MTIF3: variants seen among roughly 807,000 people sequenced by gnomAD.
MTIF3 encodes mitochondrial translational initiation factor 3.
MTIF3 carries 13 observed loss-of-function variants against 20.7 expected under a neutral mutation model. That is an observed-to-expected ratio of 0.63 (90% confidence interval 0.41 to 1.00). The LOEUF (loss-of-function observed/expected upper bound fraction) is 1.00. Among genes scored for constraint, MTIF3 ranks in the 50% least tolerant of loss-of-function variants. The pLI is 0.00. For synonymous variants in MTIF3, 114 were observed against 112.5 expected (o/e 1.01, Z -0.08); for missense variants, 295 against 324.5 (o/e 0.91, Z 0.70).
At chr13:27,442,543 A>T (rs977041167) in intron 2 of MTIF3, among the ~76,000 whole-genome samples, 12 of 152,152 alleles carry the variant, frequency 7.9e-5, no homozygotes, top group African/African-American at 1.9e-4. Flanking sequence ...AGTAAAAGCT[A>T]AGCTCTCTAC....
chr13:27,449,734 G>A (rs1412187537), intron 1 of MTIF3: 1 of 152,174 alleles, frequency 6.6e-6, no homozygotes, highest in African/African-American at 2.4e-5. Flanking sequence ...TACGAAGCAG[G>A]AACAAAATGG....
intron 1 of MTIF3, 26 bp downstream of exon 1, chr13:27,450,483 T>A (rs1023225045): frequency 4.6e-5 from 7 of 152,470 alleles, no homozygotes; most frequent in Admixed American, 1.3e-4. Flanking sequence ...CGCGCACCGC[T>A]CCGCACGCCT....
Position 27,441,424 on chromosome 13 carries a change from A to T in MTIF3, c.-1-975T>A, listed in dbSNP as rs775624102. 1.7e-4 allele frequency among the ~76,000 whole-genome samples: 26 copies of T among 152,228 alleles called. 1 individual carries two copies. In the East Asian group the frequency reaches 1.7e-3, roughly 10 times the overall value. On this transcript the variant is annotated intron_variant, in intron 2 of 4. Transcript: ENST00000381120. ...AGGAAGGAAGCCAGCCCACTGCAAG[A>T]ATAACTGAGCCTGTCAGAAAACACT...
At chr13:27,441,684 G>C (rs1376116608) in intron 2 of MTIF3, among the ~76,000 whole-genome samples, 1 of 152,204 alleles carries the variant, frequency 6.6e-6, no homozygotes, top group Non-Finnish European at 1.5e-5. Flanking sequence ...AAAGAGTGCT[G>C]AGAGGACCCA....
At position 27,436,984 on chromosome 13, in the gene MTIF3, C is replaced by G. The variant is rs530739126; in HGVS notation, c.618+132G>C. The G allele has an allele frequency of 2.1e-4, 171 of 810,622 alleles. No homozygotes were observed. In the South Asian group the frequency reaches 3.0e-3, roughly 14 times the overall value. 50.2% of individuals were successfully genotyped at this position (810,622 alleles called of 1,614,324 possible). On this transcript the variant is annotated intron_variant, in intron 4 of 4. Coordinates refer to ENST00000381120, the MANE Select transcript of MTIF3 (RefSeq NM_152912.5). ...GCCAGGTTGGTCTCAATCTCCTGAT[C>G]TCGTGATCCGCCCACCTTGGCCTCC...
At chr13:27,442,396 C>T (rs1023712142) in intron 2 of MTIF3, among the ~76,000 whole-genome samples, 5 of 151,938 alleles carry the variant, frequency 3.3e-5, no homozygotes, top group Middle Eastern at 3.2e-3. Flanking sequence ...AACAGCTTCC[C>T]GACTGCTCTT....
Position 27,440,054 on chromosome 13 carries a change from GT to G in MTIF3, c.394del (p.Thr132GlnfsTer12). On this transcript the variant is annotated frameshift_variant, in exon 3 of 5. Coordinates refer to ENST00000381120, the MANE Select transcript of MTIF3 (RefSeq NM_152912.5). LOFTEE classifies it high-confidence loss of function. ...STEPAEYQLM[T>X]GLQILQERQR... is the part of the protein sequence containing the mutation. ...CCGCTCCTGGAGGATCTGCAATCCT[GT>G]CATGAGCTGATACTCTGCAGGTTCT... 6.2e-7 allele frequency: 1 copy of G among 1,614,196 alleles called. No homozygotes were observed. Among genetic ancestry groups the G allele is most frequent in the Non-Finnish European group, 8.5e-7 (1 of 1,180,020 alleles).
chr13:27,443,132 A>G (rs928238972), intron 2 of MTIF3, among the ~76,000 whole-genome samples: 1 of 152,232 alleles, frequency 6.6e-6, no homozygotes, highest in Non-Finnish European at 1.5e-5. Flanking sequence ...GATGCCCGTC[A>G]GTAATGGTGA....
rs1480039282 is a variant in MTIF3, at chr13:27,440,032, C to CAGA, written c.416_417insTCT (p.Glu139delinsAspLeu). On this transcript the variant is annotated protein_altering_variant, in exon 3 of 5. Coordinates refer to ENST00000381120, the MANE Select transcript of MTIF3 (RefSeq NM_152912.5). Reference sequence around the variant, plus strand: ...TCTCCATCTCCCTCAGCCTCTGCCGCTCCTGGAGGATCTGCAATCCTGTCA... The same window carrying CAGA: ...TCTCCATCTCCCTCAGCCTCTGCCGCAGATCCTGGAGGATCTGCAATCCTGTCA... 1 of 1,614,208 alleles carries CAGA rather than the reference C, an allele frequency of 6.2e-7. No individual in the cohort carries two copies. Among genetic ancestry groups the CAGA allele is most frequent in the South Asian group, 1.1e-5 (1 of 91,082 alleles).
In MTIF3 at chr13:27,448,489, C is replaced by CA. The variant is rs140183984; in HGVS notation, c.-71+2019_-71+2020insT. Among the ~76,000 whole-genome samples the CA allele has an allele frequency of 3.2e-3, 495 of 152,320 alleles. 1 individual carries two copies. Among genetic ancestry groups the CA allele is most frequent in the Non-Finnish European group, 5.6e-3 (379 of 68,028 alleles). On this transcript the variant is annotated intron_variant, in intron 1 of 4. Transcript: ENST00000381120. ...CAGTGCAGCCTTAATCCCAGAGGGC[C>CA]TGCGCTACCGTTACTGGGCCTTCAT...
intron 2 of MTIF3, among the ~76,000 whole-genome samples, chr13:27,443,690 C>A (rs1954077359): frequency 6.6e-6 from 1 of 151,832 alleles, no homozygotes; most frequent in African/African-American, 2.4e-5. Flanking sequence ...AGCTAAAGTG[C>A]CTTGTTTAAT....
intron 3 of MTIF3, among the ~76,000 whole-genome samples, chr13:27,438,867 T>G (rs1953891162): frequency 6.6e-6 from 1 of 151,968 alleles, no homozygotes; most frequent in African/African-American, 2.4e-5. Context: ...AATATTGTTT[T>G]CCAGTCAACA....
At chr13:27,436,999 C>A (rs1953795039) in intron 4 of MTIF3, 117 bp downstream of exon 4, 4 of 1,015,950 alleles carry the variant, frequency 3.9e-6, no homozygotes, top group Non-Finnish European at 5.8e-6. Flanking sequence ...GATCCGCCCA[C>A]CTTGGCCTCC....
chr13:27,438,155 T>C (rs1476476995), intron 3 of MTIF3, among the ~76,000 whole-genome samples: 1 of 152,048 alleles, frequency 6.6e-6, no homozygotes, highest in African/African-American at 2.4e-5. Flanking sequence ...TTTGATCCAT[T>C]TAGGTTCATA....
intron 1 of MTIF3, 140 bp downstream of exon 1, chr13:27,450,369 G>A (rs1409097858): frequency 6.6e-6 from 1 of 150,454 alleles, no homozygotes; most frequent in African/African-American, 2.5e-5. Flanking sequence ...CAGGACCTGC[G>A]GAGCCTCTCC....
chr13:27,446,668 A>C (rs962732287), intron 1 of MTIF3, among the ~76,000 whole-genome samples: 1 of 152,236 alleles, frequency 6.6e-6, no homozygotes, highest in Non-Finnish European at 1.5e-5. Context: ...TTTGTACATA[A>C]TTTTAAAAAA....
intron 1 of MTIF3, among the ~76,000 whole-genome samples, chr13:27,446,939 A>T (rs962680260): frequency 6.6e-6 from 1 of 152,170 alleles, no homozygotes; most frequent in African/African-American, 2.4e-5. Flanking sequence ...ACCACTATAT[A>T]ATTCGTCCAT....
intron 2 of MTIF3, chr13:27,441,089 G>A (rs1403654871): frequency 6.5e-6 from 1 of 154,702 alleles, no homozygotes; most frequent in Non-Finnish European, 1.4e-5. Context: ...TGAGGAGGAG[G>A]AGCAAGAGGA....
intron 3 of MTIF3, among the ~76,000 whole-genome samples, chr13:27,439,740 T>A (rs1029526690): frequency 6.6e-6 from 1 of 152,058 alleles, no homozygotes; most frequent in Non-Finnish European, 1.5e-5. Context: ...GCCTGGTTTC[T>A]CCCACATTTT....
Sources: allele counts gnomAD v4.1 joint callset (sites outside exome capture counted in the v4.1 genomes callset), GRCh38; gene constraint gnomAD v4.1.1; transcripts MANE v1.5; gene names NCBI Gene and HGNC (gene_info 2026-07-23, HGNC 2026-07-21).